FKBP4: variants seen among roughly 807,000 people sequenced by gnomAD.
FKBP4 encodes peptidyl-prolyl cis-trans isomerase FKBP4.
Under a neutral mutation model 54.1 loss-of-function variants are expected in FKBP4, and 28 were observed. The ratio of observed to expected loss-of-function variants is 0.52; its 90% CI spans 0.38 to 0.71. The LOEUF is 0.71. FKBP4 is among the 30% of genes least tolerant of loss of function. The pLI, the probability that FKBP4 is intolerant of heterozygous loss-of-function variation, is 0.00. For missense variants in FKBP4, 493 were observed against 574.4 expected (o/e 0.86, Z 1.45); for synonymous variants, 223 against 216.1 (o/e 1.03, Z -0.28).
intron 1 of FKBP4, chr12:2,796,815 T>G: frequency 8.9e-7 from 1 of 1,117,748 alleles, no homozygotes; most frequent in Non-Finnish European, 1.1e-6. Flanking sequence ...CCAACAACTG[T>G]AGGAGATAGG....
At chr12:2,796,240 AG>A in intron 1 of FKBP4, 1 of 1,289,236 alleles carries the variant, frequency 7.8e-7, no homozygotes, top group Non-Finnish European at 1.0e-6. Flanking sequence ...TACCTGGTCC[AG>A]AAGTGCATCT....
rs779469668 is a variant in FKBP4 at position 2,801,154 on chromosome 12, T to G, written c.1070T>G (p.Phe357Cys). 1.9e-6 allele frequency: 3 copies of G among 1,613,652 alleles called. No homozygotes were observed. The highest frequency in any genetic ancestry group is 2.5e-6 in the Non-Finnish European group (3 of 1,179,886). The change falls in exon 9 of 10, where the codon TTC (phenylalanine) becomes TGC (cysteine). Residue 357 changes from phenylalanine to cysteine, a missense_variant. Physicochemically the swap from Phe to Cys is radical, Grantham distance 205. Transcript: ENST00000001008. ...ELDSNNEKGL[F>C]RRGEAHLAVN... is the part of the protein sequence containing the mutation. ...GACAGCAACAACGAGAAGGGCCTCT[T>G]CCGCCGGGGAGAGGCCCACCTGGCC... is the stretch of plus-strand genomic sequence containing the variant.
rs937582039 is a variant in FKBP4 at position 2,797,362 on chromosome 12, C to T, written c.250+80C>T. 13 of 1,528,890 alleles carry T rather than the reference C, an allele frequency of 8.5e-6. No individual in the cohort carries two copies. In the Admixed American group the frequency reaches 2.2e-4, roughly 26 times the overall value. The allele number at this position is 1,528,890 out of a possible 1,614,324, so 94.7% of individuals were successfully genotyped here. A position where few individuals can be genotyped will look rare whatever the true frequency, so the allele number is the denominator to read the frequency against. On this transcript the variant is annotated intron_variant, in intron 2 of 9. Transcript: ENST00000001008. ...CAAGCAGAAACCATTTTCTCAGGACCAAGCTCAGGGAGGAATGGTTTATCA... is the reference window on the plus strand; with the variant it reads ...CAAGCAGAAACCATTTTCTCAGGACTAAGCTCAGGGAGGAATGGTTTATCA...
intron 9 of FKBP4, among the ~76,000 whole-genome samples, chr12:2,802,535 CAAATG>C (rs1456483260): frequency 6.6e-6 from 1 of 152,168 alleles, no homozygotes; most frequent in Non-Finnish European, 1.5e-5. Context: ...AGGTGAAAAA[CAAATG>C]GAATTAAATT....
At position 2,797,888 on chromosome 12, in the gene FKBP4, T is replaced by C; in HGVS notation, c.393+17T>C. 6.2e-7 allele frequency: 1 copy of C among 1,608,652 alleles called. No individual in the cohort carries two copies. Among genetic ancestry groups the C allele is most frequent in the South Asian group, 1.1e-5 (1 of 90,402 alleles). On this transcript the variant is annotated intron_variant, in intron 3 of 9. Coordinates refer to ENST00000001008, the MANE Select transcript of FKBP4 (RefSeq NM_002014.4). ...GTATTTGAGGTGAGTGTTTGGTCAC[T>C]GAGATCCAGGCTAAGAGCCAGGCCT...
At chr12:2,802,331 T>C (rs529672341) in intron 9 of FKBP4, among the ~76,000 whole-genome samples, 57 of 152,136 alleles carry the variant, frequency 3.7e-4, no homozygotes, top group Non-Finnish European at 7.2e-4. Flanking sequence ...ACAGACGAAG[T>C]TTCATCATGT....
rs1305245841 is a variant in FKBP4, at chr12:2,803,259, C to T, written c.*1C>T. On this transcript the variant is annotated 3_prime_UTR_variant, in exon 10 of 10. Coordinates refer to ENST00000001008, the MANE Select transcript of FKBP4 (RefSeq NM_002014.4). ...GTCTCAGGTGGAGACAGAAGCATAG[C>T]CCCTCTCCACCAGCCCTACTCCTGC... is the stretch of plus-strand genomic sequence containing the variant. 1.3e-6 allele frequency: 2 copies of T among 1,563,546 alleles called. No individual in the cohort carries two copies. The highest frequency in any genetic ancestry group is 2.7e-5 in the African/African-American group (2 of 73,562).
intron 8 of FKBP4, 46 bp from the exon 9 acceptor site, chr12:2,801,071 C>G (rs11833878): frequency 0.14 from 231,184 of 1,607,252 alleles, 19,418 homozygotes; most frequent in South Asian, 0.33. Flanking sequence ...AGATGAGCTA[C>G]AAGCCCTGAG....
In FKBP4 at chr12:2,795,063, A is replaced by C. The variant is rs969805587; in HGVS notation, c.-77A>C. On this transcript the variant is annotated 5_prime_UTR_variant, in exon 1 of 10. Coordinates refer to ENST00000001008, the MANE Select transcript of FKBP4 (RefSeq NM_002014.4). This position sits in a 1 kb window ranked among gnomAD's most constrained non-coding sequence, Gnocchi z 4.3. The stretch of plus-strand genomic sequence containing the variant: ...GCGCCCGGCCTCCCGCACGCCCCGC[A>C]GGTAGCGCCCCCGCCCGCGGCCCAG... 3.0e-5 allele frequency: 27 copies of C among 886,384 alleles called. No homozygotes were observed. The highest frequency in any genetic ancestry group is 3.9e-5 in the Non-Finnish European group (26 of 672,668). 54.9% of individuals were successfully genotyped at this position (886,384 alleles called of 1,614,324 possible).
In FKBP4 at chr12:2,795,034, C is replaced by T. The variant is rs1171157210; in HGVS notation, c.-106C>T. 4 of 581,858 alleles carry T rather than the reference C, an allele frequency of 6.9e-6. No individual in the cohort carries two copies. Among genetic ancestry groups the T allele is most frequent in the Middle Eastern group, 5.6e-4 (1 of 1,782 alleles). 36.0% of individuals were successfully genotyped at this position (581,858 alleles called of 1,614,324 possible). On this transcript the variant is annotated 5_prime_UTR_variant, in exon 1 of 10. Coordinates refer to ENST00000001008, the MANE Select transcript of FKBP4 (RefSeq NM_002014.4). The surrounding 1 kb of genome is among the most constrained non-coding windows in gnomAD (Gnocchi z 4.3). ...CCTCCTCGCGGTCCGCAGTCAGTGCCGCCGCGCCCGGCCTCCCGCACGCCC... is the reference window on the plus strand; with the variant it reads ...CCTCCTCGCGGTCCGCAGTCAGTGCTGCCGCGCCCGGCCTCCCGCACGCCC...
Position 2,795,539 on chromosome 12 carries a change from C to A in FKBP4, c.105+295C>A, listed in dbSNP as rs1279969143. On this transcript the variant is annotated intron_variant, in intron 1 of 9. Transcript: ENST00000001008. This position sits in a 1 kb window ranked among gnomAD's most constrained non-coding sequence, Gnocchi z 4.3. ...AGGGGGTCGGGATTGCAGTGCCCAC[C>A]CCGGCGCGCGCGGGGCGGCGGAGAG... is the stretch of plus-strand genomic sequence containing the variant. 6.9e-6 allele frequency: 1 copy of A among 145,948 alleles called. No individual in the cohort carries two copies. The highest frequency in any genetic ancestry group is 2.0e-4 in the East Asian group (1 of 5,014). The allele number at this position is 145,948 out of a possible 1,614,324, so 9.0% of individuals were successfully genotyped here.
In FKBP4 at chr12:2,798,689, C is replaced by T; in HGVS notation, c.394-17C>T. 6.2e-7 allele frequency: 1 copy of T among 1,612,860 alleles called. No individual in the cohort carries two copies. ...GAGTTAGCATGGGAAGGAATTGTGT[C>T]ACATCTTGTCCCACAGGTGGAGTTG... On this transcript the variant is annotated splice_polypyrimidine_tract_variant and intron_variant, in intron 3 of 9. Coordinates refer to ENST00000001008, the MANE Select transcript of FKBP4 (RefSeq NM_002014.4). The surrounding 1 kb of genome is among the most constrained non-coding windows in gnomAD (Gnocchi z 4.3).
rs116472971 is a variant in FKBP4, at chr12:2,795,950, C to T, written c.105+706C>T. Reference sequence around the variant, plus strand: ...GTCCCCTCCCCCCTCCGCCGCCTCCCGGAGCCAGGGCTGCGGGGTGTGGGG... The same window carrying T: ...GTCCCCTCCCCCCTCCGCCGCCTCCTGGAGCCAGGGCTGCGGGGTGTGGGG... On this transcript the variant is annotated intron_variant, in intron 1 of 9. Transcript: ENST00000001008. This position sits in a 1 kb window ranked among gnomAD's most constrained non-coding sequence, Gnocchi z 4.3. 8.4e-4 allele frequency: 861 copies of T among 1,025,558 alleles called. 12 individuals carry two copies. In the African/African-American group the frequency reaches 0.012, roughly 14 times the overall value. 63.5% of individuals were successfully genotyped at this position (1,025,558 alleles called of 1,614,324 possible). A position where few individuals can be genotyped will look rare whatever the true frequency, so the allele number is the denominator to read the frequency against.
At chr12:2,801,501 T>C (rs2097904759) in intron 9 of FKBP4, 145 bp downstream of exon 9, 2 of 1,130,500 alleles carry the variant, frequency 1.8e-6, no homozygotes, top group Non-Finnish European at 2.6e-6. Context: ...CACGTGTTCC[T>C]GCTGTTGGGG....
chr12:2,804,290 A>G lies in FKBP4; in HGVS notation c.*1032A>G, dbSNP rs1253998291. The G allele has an allele frequency of 6.6e-6, 1 of 152,206 alleles. No homozygotes were observed. The highest frequency in any genetic ancestry group is 1.9e-4 in the East Asian group (1 of 5,196). 9.4% of individuals were successfully genotyped at this position (152,206 alleles called of 1,614,324 possible). A position where few individuals can be genotyped will look rare whatever the true frequency, so the allele number is the denominator to read the frequency against. ...GAAGACTGGGACACCATGCATGTTC[A>G]TTTTGAAGTTGGAATTGGTCTTCTG... On this transcript the variant is annotated 3_prime_UTR_variant, in exon 10 of 10. Coordinates refer to ENST00000001008, the MANE Select transcript of FKBP4 (RefSeq NM_002014.4).
At position 2,801,583 on chromosome 12, in the gene FKBP4, A is replaced by G. The variant is rs1397715206; in HGVS notation, c.1272+227A>G. 3 of 647,828 alleles carry G rather than the reference A, an allele frequency of 4.6e-6. No homozygotes were observed. In the South Asian group the frequency reaches 4.9e-5, roughly 11 times the overall value. The allele number at this position is 647,828 out of a possible 1,614,324, so 40.1% of individuals were successfully genotyped here. A position where few individuals can be genotyped will look rare whatever the true frequency, so the allele number is the denominator to read the frequency against. Reference sequence around the variant, plus strand: ...AGTTGGGTTGGTTGCCCTGAGTGTAATTCCCGATTTATGTTTTCTTGTGGG... The same window carrying G: ...AGTTGGGTTGGTTGCCCTGAGTGTAGTTCCCGATTTATGTTTTCTTGTGGG... On this transcript the variant is annotated intron_variant, in intron 9 of 9. Transcript: ENST00000001008.
intron 9 of FKBP4, 49 bp from the exon 10 acceptor site, chr12:2,803,102 G>A: frequency 1.5e-6 from 2 of 1,325,672 alleles, no homozygotes; most frequent in Non-Finnish European, 2.1e-6. Context: ...TTAAGTGTGT[G>A]TTTTTTCACT....
rs746239939 is a variant in FKBP4 at position 2,799,085 on chromosome 12, C to T, written c.515-3C>T. 1 of 1,528,042 alleles carries T rather than the reference C, an allele frequency of 6.5e-7. No homozygotes were observed. The highest frequency in any genetic ancestry group is 8.8e-7 in the Non-Finnish European group (1 of 1,138,998). The allele number at this position is 1,528,042 out of a possible 1,614,324, so 94.7% of individuals were successfully genotyped here. A position where few individuals can be genotyped will look rare whatever the true frequency, so the allele number is the denominator to read the frequency against. ...CTGGTACACTGCCTCTCTTTCATGC[C>T]AGTTGCACTGGAAGGGTACTACAAG... On this transcript the variant is annotated splice_region_variant and splice_polypyrimidine_tract_variant and intron_variant, in intron 4 of 9. Coordinates refer to ENST00000001008, the MANE Select transcript of FKBP4 (RefSeq NM_002014.4).
chr12:2,800,202 A>G, intron 7 of FKBP4, 80 bp downstream of exon 7: 2 of 1,516,294 alleles, frequency 1.3e-6, no homozygotes, highest in South Asian at 2.3e-5. Context: ...GACTGAGATC[A>G]TTTTCTGCCA....
Sources: allele counts gnomAD v4.1 joint callset (sites outside exome capture counted in the v4.1 genomes callset), GRCh38; gene constraint gnomAD v4.1.1; non-coding constraint Gnocchi (gnomAD v3.1); transcripts MANE v1.5; gene names NCBI Gene and HGNC (gene_info 2026-07-23, HGNC 2026-07-21).